Variants in ZNF318 observed in about 807,000 individuals in gnomAD.
The protein encoded by ZNF318 is endocrine regulator.
ZNF318 carries 51 observed loss-of-function variants against 124.2 expected under a neutral mutation model. That is an observed-to-expected ratio of 0.41 (90% CI 0.33 to 0.52). ZNF318 has a LOEUF of 0.52. Among genes scored for constraint, ZNF318 ranks in the 20% least tolerant of loss-of-function variants. ZNF318 has a pLI of 0.23. For synonymous variants in ZNF318, 1,090 were observed against 1,040.7 expected, an observed-to-expected ratio of 1.05 and a Z score of -0.91; for missense variants, 2,815 against 2,811.2, an observed-to-expected ratio of 1.00 and a Z score of -0.03.
intron 5 of ZNF318, among the ~76,000 whole-genome samples, chr6:43,351,854 A>ATT (rs1236561892): frequency 6.6e-6 from 1 of 152,102 alleles, no homozygotes; most frequent in Non-Finnish European, 1.5e-5. Context: ...AAATGTTAAT[A>ATT]ATCTGGCAGG....
At chr6:43,368,886 G>A in intron 1 of ZNF318, 81 bp downstream of exon 1, 2 of 1,259,628 alleles carry the variant, frequency 1.6e-6, no homozygotes, top group South Asian at 2.7e-5. Flanking sequence ...TGGTCTGGAG[G>A]CCCCGGGCGT....
In ZNF318 at chr6:43,340,469, G is replaced by T; in HGVS notation, c.3529C>A (p.Arg1177=). Residue 1177 remains arginine, a synonymous_variant, in exon 10 of 10, where the codon CGG becomes AGG. Transcript: ENST00000361428. ...YVDENPLYEE[R]RNLDRQAGLA... is the part of the protein sequence containing the mutation. ...CCAGCTTGGCGGTCCAGATTCCGCC[G>T]CTCCTCATATAATGGGTTTTCATCC... 6.2e-7 allele frequency: 1 copy of T among 1,609,788 alleles called. No individual in the cohort carries two copies. Among genetic ancestry groups the T allele is most frequent in the Non-Finnish European group, 8.5e-7 (1 of 1,178,902 alleles).
At position 43,339,240 on chromosome 6, in the gene ZNF318, G is replaced by C; in HGVS notation, c.4758C>G (p.Ala1586=). 1 of 1,610,538 alleles carries C rather than the reference G, an allele frequency of 6.2e-7. No homozygotes were observed. Among genetic ancestry groups the C allele is most frequent in the Non-Finnish European group, 8.5e-7 (1 of 1,178,082 alleles). ...GGKGAPETKG[A]PETKLSGGPL... ...GACCACCACTTAGCTTAGTCTCAGGGGCCCCCTTAGTCTCAGGGGCCCCCT... is the reference window on the plus strand; with the variant it reads ...GACCACCACTTAGCTTAGTCTCAGGCGCCCCCTTAGTCTCAGGGGCCCCCT... Residue 1586 remains alanine, a synonymous_variant, in exon 10 of 10, where the codon GCC becomes GCG. Coordinates refer to ENST00000361428, the MANE Select transcript of ZNF318 (RefSeq NM_014345.3). The surrounding 1 kb of genome is among the most constrained non-coding windows in gnomAD (Gnocchi z 4.2).
chr6:43,337,117 A>C lies in ZNF318; in HGVS notation c.*41T>G. 6.7e-7 allele frequency: 1 copy of C among 1,501,000 alleles called. No individual in the cohort carries two copies. The highest frequency in any genetic ancestry group is 2.3e-5 in the East Asian group (1 of 43,636). 93.0% of individuals were successfully genotyped at this position (1,501,000 alleles called of 1,614,324 possible). On this transcript the variant is annotated 3_prime_UTR_variant, in exon 10 of 10. Transcript: ENST00000361428. The stretch of plus-strand genomic sequence containing the variant: ...GATCATCTGGGCATCTGATTTCTAG[A>C]AGCCAATGATTCACTCACAAGTAGC...
Position 43,369,647 on chromosome 6 carries a change from G to A in ZNF318, c.-282C>T, listed in dbSNP as rs951056123. Among the ~76,000 whole-genome samples, 4 of 151,868 alleles carry A rather than the reference G, an allele frequency of 2.6e-5. No homozygotes were observed. The highest frequency in any genetic ancestry group is 5.9e-5 in the Non-Finnish European group (4 of 67,940). On this transcript the variant is annotated 5_prime_UTR_variant, in exon 1 of 10. Transcript: ENST00000361428. ...CTCAGGGAGCGGCCGCAGGAACCAAGAAAAGTGGGGAGGAGCACAGACGCC... is the reference window on the plus strand; with the variant it reads ...CTCAGGGAGCGGCCGCAGGAACCAAAAAAAGTGGGGAGGAGCACAGACGCC...
In ZNF318 at chr6:43,354,646, C is replaced by A. The variant is rs1288421122; in HGVS notation, c.2670+18G>T. The A allele has an allele frequency of 1.9e-6, 3 of 1,573,304 alleles. No homozygotes were observed. Among genetic ancestry groups the A allele is most frequent in the South Asian group, 2.3e-5 (2 of 86,162 alleles). ...AAACAGAAAACTCAGGCACAGGATA[C>A]CCAAAGCTAATATTCACCTTTTGCT... On this transcript the variant is annotated intron_variant, in intron 4 of 9. Transcript: ENST00000361428.
chr6:43,337,329 C>A lies in ZNF318; in HGVS notation c.6669G>T (p.Leu2223=). The change falls in exon 10 of 10, where the codon CTG becomes CTT. Residue 2223 remains leucine (L), a synonymous_variant. Coordinates refer to ENST00000361428, the MANE Select transcript of ZNF318 (RefSeq NM_014345.3). ...GGTCGCCACTGTCATCATCTACTTGCAGAATTGCCACCTCTGTGGTGGATG... is the reference window on the plus strand; with the variant it reads ...GGTCGCCACTGTCATCATCTACTTGAAGAATTGCCACCTCTGTGGTGGATG... ...SNASTTEVAI[L]QVDDDSGDPL... is the part of the protein sequence containing the mutation. 1.9e-6 allele frequency: 3 copies of A among 1,614,150 alleles called. No homozygotes were observed. Among genetic ancestry groups the A allele is most frequent in the South Asian group, 2.2e-5 (2 of 91,082 alleles).
At chr6:43,368,703 A>C (rs1581654497) in intron 1 of ZNF318, 1 of 985,260 alleles carries the variant, frequency 1.0e-6, no homozygotes, top group Non-Finnish European at 1.2e-6. Context: ...AACTTTCCAC[A>C]CCTCACCCGG....
chr6:43,340,972 G>A (rs565611392), intron 8 of ZNF318, 64 bp from the exon 9 acceptor site: 2 of 1,214,106 alleles, frequency 1.6e-6, no homozygotes, highest in Non-Finnish European at 2.4e-6. Flanking sequence ...AGCAACCAAT[G>A]GAAATCCCAC....
intron 6 of ZNF318, among the ~76,000 whole-genome samples, chr6:43,343,993 T>C (rs778356286): frequency 1.3e-5 from 2 of 152,144 alleles, no homozygotes; most frequent in Non-Finnish European, 2.9e-5. Context: ...TTTTGGTTAA[T>C]GTTCAGGAGT....
Position 43,339,459 on chromosome 6 carries a change from A to C in ZNF318, c.4539T>G (p.Ile1513Met). The C allele has an allele frequency of 6.2e-7, 1 of 1,613,986 alleles. No homozygotes were observed. ...CCCCAGGAGCTGTCTCATCAGAAGG[A>C]ATGGCAGCTGGCTGTGCTGAGGCCA... ...AIMASAQPAA[I>M]PSDETAPGVS... Residue 1513 changes from isoleucine to methionine, a missense_variant, in exon 10 of 10, where the codon ATT becomes ATG. Ile to Met is a conservative substitution (Grantham distance 10). Around this residue, in one of 4 missense-constraint regions of ZNF318, gnomAD observed 500 missense variants for 605.2 expected, o/e 0.83. Transcript: ENST00000361428. The surrounding 1 kb of genome is among the most constrained non-coding windows in gnomAD (Gnocchi z 4.2).
In ZNF318 at chr6:43,369,357, GC is replaced by G; in HGVS notation, c.8del (p.Arg3ProfsTer146). 1 of 1,321,460 alleles carries G rather than the reference GC, an allele frequency of 7.6e-7. No individual in the cohort carries two copies. Among genetic ancestry groups the G allele is most frequent in the South Asian group, 1.7e-5 (1 of 59,336 alleles). 81.9% of individuals were successfully genotyped at this position (1,321,460 alleles called of 1,614,324 possible). ...AAGAGACGGAGGAGCGAGCGCTGCT[GC>G]GGTACATGGTTCTTGCAGCGGCGGC... MY[R>X]SSARSSVSSH... On this transcript the variant is annotated frameshift_variant, in exon 1 of 10. Transcript: ENST00000361428. LOFTEE classifies it high-confidence loss of function.
In ZNF318 at chr6:43,365,359, T is replaced by C. The variant is rs942754613; in HGVS notation, c.481A>G (p.Thr161Ala). The C allele has an allele frequency of 3.1e-6, 5 of 1,614,206 alleles. No homozygotes were observed. Among genetic ancestry groups the C allele is most frequent in the Non-Finnish European group, 4.2e-6 (5 of 1,180,032 alleles). Residue 161 changes from threonine to alanine, a missense_variant, in exon 2 of 10, where the codon ACA (threonine) becomes GCA (alanine). Around this residue, in one of 4 missense-constraint regions of ZNF318, gnomAD observed 1,377 missense variants for 1,353.5 expected, o/e 1.02. Coordinates refer to ENST00000361428, the MANE Select transcript of ZNF318 (RefSeq NM_014345.3). ...TCACTAAGCCGTCGCCGTTCTGGTG[T>C]GCTAACACAGAAGTGGTCATTGCCA... ...TVGNDHFCVSTPERRRLSDRL... is the reference protein window; with the variant it reads ...TVGNDHFCVSAPERRRLSDRL...
At chr6:43,347,891 C>T (rs956278895) in intron 6 of ZNF318, among the ~76,000 whole-genome samples, 7 of 152,052 alleles carry the variant, frequency 4.6e-5, no homozygotes, top group Admixed American at 4.6e-4. Flanking sequence ...TGACAGAAGC[C>T]AAGGGAAAAG....
At chr6:43,348,721 A>G in intron 5 of ZNF318, 96 bp from the exon 6 acceptor site, 1 of 1,398,900 alleles carries the variant, frequency 7.1e-7, no homozygotes, top group Non-Finnish European at 9.6e-7. Flanking sequence ...TTATGGTTAC[A>G]AAGTCTTTGC....
Position 43,340,789 on chromosome 6 carries a change from C to T in ZNF318, c.3495+1G>A. The T allele has an allele frequency of 1.2e-6, 2 of 1,611,140 alleles. No homozygotes were observed. The stretch of plus-strand genomic sequence containing the variant: ...CTCCACAGCCTACTACAAAGACCAA[C>T]CTTGTATTTCTCATTGTGTTGGTGA... On this transcript the variant is annotated splice_donor_variant, in intron 9 of 9. Coordinates refer to ENST00000361428, the MANE Select transcript of ZNF318 (RefSeq NM_014345.3). LOFTEE classifies it high-confidence loss of function.
chr6:43,348,382 G>C lies in ZNF318; in HGVS notation c.3014C>G (p.Ala1005Gly), dbSNP rs757694636. ...SREPTEKPGKAEKSKSPEKVS... is the reference protein window; with the variant it reads ...SREPTEKPGKGEKSKSPEKVS... ...TTTTTCTGGGCTCTTAGATTTTTCT[G>C]CTTTCCCAGGCTTCTCTGTAGGCTC... Residue 1005 changes from alanine (A) to glycine (G), a missense_variant, in exon 6 of 10, where the codon GCA becomes GGA. Physicochemically the swap from Ala to Gly is moderately conservative, Grantham distance 60. This residue lies in a region of ZNF318 where 1,377 missense variants were observed against 1,353.5 expected (regional missense o/e 1.02). Transcript: ENST00000361428. The C allele has an allele frequency of 1.2e-6, 2 of 1,613,346 alleles. No homozygotes were observed. The highest frequency in any genetic ancestry group is 8.5e-7 in the Non-Finnish European group (1 of 1,179,826).
intron 6 of ZNF318, among the ~76,000 whole-genome samples, chr6:43,346,071 C>T (rs572847206): frequency 6.6e-6 from 1 of 150,408 alleles, no homozygotes; most frequent in South Asian, 2.1e-4. Context: ...TGTGGTGGCA[C>T]ACGCCTGTAA....
rs867777345 is a variant in ZNF318 at position 43,359,773 on chromosome 6, T to C, written c.549-2008A>G. Among the ~76,000 whole-genome samples the C allele has an allele frequency of 3.3e-5, 5 of 152,336 alleles. No individual in the cohort carries two copies. The South Asian group carries it at 8.3e-4, about 25-fold the overall frequency. On this transcript the variant is annotated intron_variant, in intron 2 of 9. Transcript: ENST00000361428. ...GAAAGGTTATCAAGGACAAACTTTA[T>C]TTACCTTCTCTAACAAGAATGCCAC...
Sources: gnomAD v4.1 joint callset for allele counts (sites outside exome capture counted in the v4.1 genomes callset) on GRCh38, gnomAD v4.1.1 for gene constraint, gnomAD v4.1.1 regional missense constraint, Gnocchi (gnomAD v3.1) non-coding constraint, MANE v1.5 for transcripts, NCBI Gene and HGNC (gene_info 2026-07-23, HGNC 2026-07-21) for gene names.